The following SYMPK variants were observed in gnomAD, a reference collection of about 807,000 sequenced individuals.
The protein encoded by SYMPK is symplekin scaffold protein.
In SYMPK, 49 loss-of-function variants were observed where a neutral mutation model predicts 136.4. The ratio of observed to expected loss-of-function variants is 0.36; its 90% CI spans 0.29 to 0.46. The LOEUF is 0.46. Ranked by LOEUF, SYMPK falls within the 20% of genes least tolerant of loss-of-function variation. The pLI, the probability that SYMPK is intolerant of heterozygous loss-of-function variation, is 1.00. For synonymous variants in SYMPK, 766 were observed against 713.0 expected (o/e 1.07, Z -1.19); for missense variants, 1,365 against 1,690.0 (o/e 0.81, Z 3.37).
chr19:45,850,033 G>A (rs191833293), intron 5 of SYMPK, among the ~76,000 whole-genome samples: 21 of 151,712 alleles, frequency 1.4e-4, no homozygotes, highest in African/African-American at 4.4e-4. Flanking sequence ...CAACAAGAGC[G>A]AAACTCCATC....
chr19:45,828,190 G>C (rs1318632549), intron 14 of SYMPK: 1 of 404,180 alleles, frequency 2.5e-6, no homozygotes, highest in East Asian at 5.3e-5. Context: ...AGAACGGGAG[G>C]GAATGATGGC....
chr19:45,851,805 C>A (rs190533448), intron 5 of SYMPK, among the ~76,000 whole-genome samples: 6 of 151,474 alleles, frequency 4.0e-5, no homozygotes, highest in Middle Eastern at 3.4e-3. Context: ...ACCCGGAAGT[C>A]GGAGGTTGCA....
At chr19:45,862,688 G>A (rs560720813) in intron 1 of SYMPK, 9 of 189,068 alleles carry the variant, frequency 4.8e-5, no homozygotes, top group South Asian at 1.9e-4. Flanking sequence ...ATGGGAGTTA[G>A]CCAAGCCGAA....
rs1970700257 is a variant in SYMPK at position 45,815,448 on chromosome 19, GC to G, written c.*111del. The G allele has an allele frequency of 7.1e-6, 8 of 1,122,586 alleles. No individual in the cohort carries two copies. The African/African-American group carries it at 1.1e-4, about 16-fold the overall frequency. The allele number at this position is 1,122,586 out of a possible 1,614,324, so 69.5% of individuals were successfully genotyped here. Reference sequence around the variant, plus strand: ...TTTTTTTTTTTCTTTTCAGTAACTTGCCCAAGTTCACATCTTTTATTTCTTT... The same window carrying G: ...TTTTTTTTTTTCTTTTCAGTAACTTGCCAAGTTCACATCTTTTATTTCTTT... On this transcript the variant is annotated 3_prime_UTR_variant, in exon 27 of 27. Transcript: ENST00000245934.
chr19:45,837,385 T>A (rs1786529057), intron 10 of SYMPK, among the ~76,000 whole-genome samples: 1 of 151,834 alleles, frequency 6.6e-6, no homozygotes, highest in Non-Finnish European at 1.5e-5. Flanking sequence ...TGGGAGGCCA[T>A]GGTGGGCGGA....
chr19:45,840,312 CAAAAAAAAAAAAA>C (rs546768442), intron 9 of SYMPK, among the ~76,000 whole-genome samples: 1 of 57,144 alleles, frequency 1.7e-5, no homozygotes, highest in African/African-American at 6.1e-5. Flanking sequence ...GAGACTGTCT[CAAAAAAAAAAAAA>C]AAAAAAAAAA....
intron 18 of SYMPK, 135 bp from the exon 19 acceptor site, chr19:45,824,010 G>A (rs1970975303): frequency 6.2e-6 from 3 of 481,106 alleles, no homozygotes; most frequent in East Asian, 4.5e-5. Context: ...GAGGGCGGGG[G>A]AAAGGTGGGG....
Position 45,818,074 on chromosome 19 carries a change from A to C in SYMPK, c.2966T>G (p.Met989Arg). The change falls in exon 23 of 27, where the codon ATG (methionine) becomes AGG (arginine). Residue 989 changes from methionine to arginine, a missense_variant. Transcript: ENST00000245934. ...CAGCATGGGCAGGGGGCTCTGCTCC[A>C]TCAGCTGCTGCATCACCACGGCCAG... is the stretch of plus-strand genomic sequence containing the variant. ...EVLAVVMQQLMEQSPLPMLLM... is the reference protein window; with the variant it reads ...EVLAVVMQQLREQSPLPMLLM... 1 of 1,561,714 alleles carries C rather than the reference A, an allele frequency of 6.4e-7. No individual in the cohort carries two copies. Among genetic ancestry groups the C allele is most frequent in the South Asian group, 1.2e-5 (1 of 84,784 alleles).
In SYMPK at chr19:45,830,203, G is replaced by T; in HGVS notation, c.1600C>A (p.Leu534Met). Reference protein sequence around the residue: ...EPIIPVTQPRLAGAGGRKKIF... With the variant: ...EPIIPVTQPRMAGAGGRKKIF... ...TTCTTGCGCCCACCAGCGCCTGCCAGCCTGTGTGGAAGAGCAGTGACAGAG... is the reference window on the plus strand; with the variant it reads ...TTCTTGCGCCCACCAGCGCCTGCCATCCTGTGTGGAAGAGCAGTGACAGAG... The change falls in exon 13 of 27, where the codon CTG (leucine) becomes ATG (methionine). Residue 534 changes from leucine (L) to methionine (M), a missense_variant and splice_region_variant. Physicochemically the swap from Leu to Met is conservative, Grantham distance 15 (BLOSUM62 2). Around this residue, in one of 11 missense-constraint regions of SYMPK, gnomAD observed 303 missense variants for 326.6 expected, o/e 0.93. Transcript: ENST00000245934. 6.2e-7 allele frequency: 1 copy of T among 1,609,840 alleles called. No homozygotes were observed. Among genetic ancestry groups the T allele is most frequent in the Non-Finnish European group, 8.5e-7 (1 of 1,177,644 alleles).
intron 3 of SYMPK, among the ~76,000 whole-genome samples, chr19:45,852,804 C>T (rs1270136712): frequency 6.6e-6 from 1 of 152,110 alleles, no homozygotes; most frequent in East Asian, 1.9e-4. Flanking sequence ...AGGCACAGGT[C>T]CTGGTAGATA....
chr19:45,860,669 G>A (rs914256018), intron 1 of SYMPK, among the ~76,000 whole-genome samples: 6 of 151,772 alleles, frequency 4.0e-5, no homozygotes, highest in African/African-American at 1.2e-4. Flanking sequence ...TTTGAGACAG[G>A]GTGTCACTCT....
intron 1 of SYMPK, among the ~76,000 whole-genome samples, chr19:45,860,089 C>A (rs1971927270): frequency 6.7e-6 from 1 of 149,174 alleles, no homozygotes. Context: ...CACCGTAGTC[C>A]AACCTGGGCA....
intron 10 of SYMPK, among the ~76,000 whole-genome samples, chr19:45,838,069 G>T (rs1971346342): frequency 6.6e-6 from 1 of 152,020 alleles, no homozygotes; most frequent in Non-Finnish European, 1.5e-5. Flanking sequence ...CCTGGTCGGG[G>T]GTGTTTGGAT....
chr19:45,821,521 T>C lies in SYMPK; in HGVS notation c.2792-36A>G. ...CGGGAGGAAGGGTGGGGGAAGACAG[T>C]GCGGACGCATAAGTGAAGAGATGGG... On this transcript the variant is annotated intron_variant, in intron 21 of 26. Transcript: ENST00000245934. This position sits in a 1 kb window ranked among gnomAD's most constrained non-coding sequence, Gnocchi z 4.4. 6.2e-6 allele frequency: 9 copies of C among 1,447,744 alleles called. No individual in the cohort carries two copies. The highest frequency in any genetic ancestry group is 1.1e-5 in the South Asian group (1 of 86,974). 89.7% of individuals were successfully genotyped at this position (1,447,744 alleles called of 1,614,324 possible).
intron 14 of SYMPK, chr19:45,828,150 A>G (rs1971089840): frequency 8.0e-6 from 4 of 502,786 alleles, no homozygotes; most frequent in East Asian, 7.2e-5. Context: ...TTTGTCAAAC[A>G]GGGATTCCTA....
intron 6 of SYMPK, among the ~76,000 whole-genome samples, chr19:45,848,548 G>A (rs118094257): frequency 0.012 from 1,763 of 152,286 alleles, 23 homozygotes; most frequent in Non-Finnish European, 0.018. Flanking sequence ...ATAAACGGAT[G>A]GTCAATGGAA....
chr19:45,846,468 A>G (rs1971563414), intron 7 of SYMPK, among the ~76,000 whole-genome samples: 1 of 152,196 alleles, frequency 6.6e-6, no homozygotes, highest in South Asian at 2.1e-4. Flanking sequence ...TCATACCTAC[A>G]TCCTAAATTA....
intron 26 of SYMPK, 39 bp from the exon 27 acceptor site, chr19:45,815,736 C>T (rs1171523066): frequency 6.2e-7 from 1 of 1,601,944 alleles, no homozygotes; most frequent in South Asian, 1.1e-5. Context: ...GGGTGGAGGG[C>T]GCGGTCACCT....
chr19:45,844,937 AC>A (rs1195890448), intron 7 of SYMPK, among the ~76,000 whole-genome samples: 12 of 152,226 alleles, frequency 7.9e-5, no homozygotes, highest in African/African-American at 2.9e-4. Context: ...ATTATGGGGT[AC>A]ATGAGATTTT....
Sources: gnomAD v4.1 joint callset for allele counts (sites outside exome capture counted in the v4.1 genomes callset) on GRCh38, gnomAD v4.1.1 for gene constraint, gnomAD v4.1.1 regional missense constraint, Gnocchi (gnomAD v3.1) non-coding constraint, MANE v1.5 for transcripts, NCBI Gene and HGNC (gene_info 2026-07-23, HGNC 2026-07-21) for gene names.